Variants in L3MBTL3 observed in about 807,000 individuals in gnomAD.
The protein encoded by L3MBTL3 is L3MBTL histone methyl-lysine binding protein 3, also known as lethal(3)malignant brain tumor-like protein 3.
In L3MBTL3, 27 loss-of-function variants were observed where a neutral mutation model predicts 102.3. The observed-to-expected ratio is 0.26, with a 90% CI of 0.19 to 0.36. The LOEUF (loss-of-function observed/expected upper bound fraction) is 0.36. Ranked by LOEUF, L3MBTL3 falls within the 10% of genes least tolerant of loss-of-function variation. L3MBTL3 has a pLI of 1.00. For missense variants in L3MBTL3, 798 were observed against 955.3 expected (o/e 0.84, Z 2.17); for synonymous variants, 340 against 320.9 (o/e 1.06, Z -0.64).
chr6:130,134,978 C>G (rs1787464594), intron 22 of L3MBTL3, among the ~76,000 whole-genome samples: 1 of 150,966 alleles, frequency 6.6e-6, no homozygotes, highest in East Asian at 1.9e-4. Flanking sequence ...TATTTTCTCT[C>G]TGTTTGATCT....
At chr6:130,098,675 C>T (rs1475697219) in intron 18 of L3MBTL3, among the ~76,000 whole-genome samples, 1 of 152,038 alleles carries the variant, frequency 6.6e-6, no homozygotes, top group African/African-American at 2.4e-5. Flanking sequence ...GAATGTTAGG[C>T]ACTTTTCTAG....
intron 1 of L3MBTL3, among the ~76,000 whole-genome samples, chr6:130,020,842 A>G (rs1778960305): frequency 6.7e-6 from 1 of 150,072 alleles, no homozygotes; most frequent in Non-Finnish European, 1.5e-5. Flanking sequence ...CCCACCCCCA[A>G]CGCCTCGCAT....
At chr6:130,057,357 C>A in intron 8 of L3MBTL3, 49 bp from the exon 9 acceptor site, 1 of 1,465,200 alleles carries the variant, frequency 6.8e-7, no homozygotes, top group Non-Finnish European at 9.4e-7. Flanking sequence ...TGCATCACTG[C>A]TGGCTTAGAT....
chr6:130,042,303 A>G (rs1562259374), intron 2 of L3MBTL3, among the ~76,000 whole-genome samples: 1 of 152,202 alleles, frequency 6.6e-6, no homozygotes, highest in Admixed American at 6.5e-5. Context: ...TCATTTATCC[A>G]TACCTACTTT....
chr6:130,062,489 G>C lies in L3MBTL3; in HGVS notation c.864+2349G>C, dbSNP rs183809076. On this transcript the variant is annotated intron_variant, in intron 10 of 22. Transcript: ENST00000361794. ...CAGCCCCAACCTTCTGGGCACAAGA[G>C]GTCCTCCCACCTCAGCCTCCCATGT... Among the ~76,000 whole-genome samples the C allele has an allele frequency of 9.2e-5, 14 of 151,554 alleles. No homozygotes were observed. In the East Asian group the frequency reaches 2.7e-3, roughly 29 times the overall value.
At chr6:130,093,839 C>A (rs1784199150) in intron 17 of L3MBTL3, among the ~76,000 whole-genome samples, 1 of 152,178 alleles carries the variant, frequency 6.6e-6, no homozygotes, top group Admixed American at 6.5e-5. Flanking sequence ...GAAAGAAGAG[C>A]ATGGAGGGAT....
At position 130,053,002 on chromosome 6, in the gene L3MBTL3, C is replaced by T. The variant is rs748196798; in HGVS notation, c.582+11C>T. ...AGAGATGATGAAATGGTGAGTGCCT[C>T]TGCCTGACACCAGGAGCACAGGGAT... On this transcript the variant is annotated intron_variant, in intron 7 of 22. Coordinates refer to ENST00000361794, the MANE Select transcript of L3MBTL3 (RefSeq NM_032438.4). 6 of 1,596,586 alleles carry T rather than the reference C, an allele frequency of 3.8e-6. No homozygotes were observed. The highest frequency in any genetic ancestry group is 1.7e-4 in the Middle Eastern group (1 of 6,026).
intron 7 of L3MBTL3, among the ~76,000 whole-genome samples, chr6:130,054,575 C>T (rs1781340229): frequency 6.6e-6 from 1 of 152,154 alleles, no homozygotes; most frequent in Non-Finnish European, 1.5e-5. Flanking sequence ...TTGGCTTTAA[C>T]AATTGGCTGG....
intron 3 of L3MBTL3, among the ~76,000 whole-genome samples, chr6:130,045,323 C>T (rs1001872133): frequency 6.6e-6 from 1 of 152,106 alleles, no homozygotes; most frequent in African/African-American, 2.4e-5. Flanking sequence ...GTTACTGTTC[C>T]CTGTTGCTGG....
Position 130,120,898 on chromosome 6 carries a change from G to T in L3MBTL3, c.1906G>T (p.Val636Phe). The T allele has an allele frequency of 1.2e-6, 2 of 1,611,378 alleles. No individual in the cohort carries two copies. The highest frequency in any genetic ancestry group is 3.3e-5 in the Admixed American group (2 of 59,708). Residue 636 changes from valine to phenylalanine, a missense_variant, in exon 20 of 23, where the codon GTC (valine) becomes TTC (phenylalanine). Val to Phe is a conservative substitution (Grantham distance 50). Around this residue, in one of 4 missense-constraint regions of L3MBTL3, gnomAD observed 306 missense variants for 314.4 expected, o/e 0.97. Transcript: ENST00000361794. Reference protein sequence around the residue: ...PEIRDQHADDVKEDFEERTES... With the variant: ...PEIRDQHADDFKEDFEERTES... ...TCTTAGAGACCAGCATGCTGATGAT[G>T]TCAAAGAAGACTTTGAAGAGAGAAC... is the stretch of plus-strand genomic sequence containing the variant.
intron 6 of L3MBTL3, 65 bp downstream of exon 6, chr6:130,051,473 A>G (rs762174218): frequency 1.0e-4 from 141 of 1,415,576 alleles, no homozygotes; most frequent in Non-Finnish European, 1.3e-4. Context: ...GTGCCTGAGA[A>G]TATAGAAGTT....
chr6:130,109,817 T>C lies in L3MBTL3; in HGVS notation c.1886+5242T>C, dbSNP rs539966514. ...CCTGAATGGTACTGCCTATGTTTTC[T>C]TCTAGGGTTTTGGGTTTTACATGTA... On this transcript the variant is annotated intron_variant, in intron 19 of 22. Transcript: ENST00000361794. 5.9e-5 allele frequency among the ~76,000 whole-genome samples: 9 copies of C among 152,364 alleles called. No homozygotes were observed. The East Asian group carries it at 1.5e-3, about 26-fold the overall frequency.
intron 19 of L3MBTL3, among the ~76,000 whole-genome samples, chr6:130,108,968 G>C (rs1785175312): frequency 2.0e-5 from 3 of 151,906 alleles, no homozygotes; most frequent in African/African-American, 7.3e-5. Context: ...TTGGTTTTCT[G>C]TTCCTTTGTT....
intron 6 of L3MBTL3, 26 bp downstream of exon 6, chr6:130,051,434 TA>T: frequency 6.3e-7 from 1 of 1,595,632 alleles, no homozygotes; most frequent in East Asian, 2.2e-5. Flanking sequence ...ATTCCATCTA[TA>T]AATTGAGTTT....
intron 7 of L3MBTL3, among the ~76,000 whole-genome samples, chr6:130,053,540 C>A (rs1259039398): frequency 3.3e-5 from 5 of 150,476 alleles, no homozygotes. Flanking sequence ...GAGGCTGAGG[C>A]AGGAGAATGG....
At chr6:130,108,437 T>C (rs1785138513) in intron 19 of L3MBTL3, among the ~76,000 whole-genome samples, 1 of 151,894 alleles carries the variant, frequency 6.6e-6, no homozygotes, top group South Asian at 2.1e-4. Flanking sequence ...AGTTTTACCA[T>C]GTTAGCCAGG....
chr6:130,124,709 G>A (rs530860248), intron 20 of L3MBTL3, among the ~76,000 whole-genome samples: 3 of 152,158 alleles, frequency 2.0e-5, no homozygotes, highest in South Asian at 2.1e-4. Context: ...GGTGGCTCAC[G>A]CCTATAATCC....
chr6:130,103,023 A>G (rs754266068), intron 18 of L3MBTL3, among the ~76,000 whole-genome samples: 1 of 152,242 alleles, frequency 6.6e-6, no homozygotes, highest in Non-Finnish European at 1.5e-5. Context: ...TAAATGCATG[A>G]TAAGTGCTTC....
intron 18 of L3MBTL3, among the ~76,000 whole-genome samples, chr6:130,099,346 G>A (rs183965915): frequency 6.2e-4 from 94 of 152,232 alleles, no homozygotes; most frequent in African/African-American, 2.0e-3. Context: ...TATGTGGTAA[G>A]CCACACCTTA....
Sources: gnomAD v4.1 joint callset for allele counts (sites outside exome capture counted in the v4.1 genomes callset) on GRCh38, gnomAD v4.1.1 for gene constraint, gnomAD v4.1.1 regional missense constraint, MANE v1.5 for transcripts, NCBI Gene and HGNC (gene_info 2026-07-23, HGNC 2026-07-21) for gene names.